Variants in SPOCK1 observed in about 807,000 individuals in gnomAD.
SPOCK1 encodes SPARC (osteonectin), cwcv and kazal like domains proteoglycan 1, also known as testican-1.
A neutral mutation model predicts 55.3 loss-of-function variants in SPOCK1; 23 were observed. The ratio of observed to expected loss-of-function variants is 0.42; its 90% CI spans 0.30 to 0.59. The LOEUF (loss-of-function observed/expected upper bound fraction) is 0.59. Among genes scored for constraint, SPOCK1 ranks in the 20% least tolerant of loss-of-function variants. SPOCK1 has a pLI of 0.22. For synonymous variants in SPOCK1, 226 were observed against 221.0 expected, an observed-to-expected ratio of 1.02 and a Z score of -0.20; for missense variants, 499 against 552.5, an observed-to-expected ratio of 0.90 and a Z score of 0.97.
At chr5:137,202,070 G>T (rs938987179) in intron 3 of SPOCK1, among the ~76,000 whole-genome samples, 3 of 152,154 alleles carry the variant, frequency 2.0e-5, no homozygotes, top group Non-Finnish European at 4.4e-5. Flanking sequence ...GGAACAATAC[G>T]TGGCCAACCA....
chr5:137,087,874 G>A (rs1561604636), intron 5 of SPOCK1, among the ~76,000 whole-genome samples: 1 of 52,992 alleles, frequency 1.9e-5, no homozygotes, highest in African/African-American at 4.7e-5. Flanking sequence ...AAACACAGGG[G>A]TGGGCTGTAT....
intron 2 of SPOCK1, among the ~76,000 whole-genome samples, chr5:137,318,224 C>T (rs903120703): frequency 1.3e-5 from 2 of 152,094 alleles, no homozygotes; most frequent in Non-Finnish European, 2.9e-5. Flanking sequence ...GCTGTCCCCC[C>T]GCTGCCTCCA....
At chr5:137,484,644 T>C (rs1754016328) in intron 2 of SPOCK1, among the ~76,000 whole-genome samples, 1 of 152,206 alleles carries the variant, frequency 6.6e-6, no homozygotes, top group Non-Finnish European at 1.5e-5. Context: ...ATCAATGCCC[T>C]TTAAAATACA....
At chr5:137,232,144 T>C (rs1031905813) in intron 3 of SPOCK1, among the ~76,000 whole-genome samples, 3 of 152,228 alleles carry the variant, frequency 2.0e-5, no homozygotes, top group Non-Finnish European at 4.4e-5. Context: ...CCAGTCTAGT[T>C]TGTCTTTTCA....
intron 2 of SPOCK1, among the ~76,000 whole-genome samples, chr5:137,285,024 G>A (rs967414475): frequency 6.6e-5 from 10 of 152,258 alleles, no homozygotes; most frequent in Non-Finnish European, 1.5e-4. Flanking sequence ...AGAACAACTC[G>A]CTAATGTGCA....
intron 2 of SPOCK1, among the ~76,000 whole-genome samples, chr5:137,280,619 T>C (rs765611880): frequency 2.6e-5 from 4 of 152,224 alleles, no homozygotes; most frequent in Non-Finnish European, 5.9e-5. Flanking sequence ...AACTTATGAA[T>C]ATTAAAGAAA....
intron 6 of SPOCK1, among the ~76,000 whole-genome samples, chr5:137,066,985 C>CAGAG (rs1219509991): frequency 3.3e-5 from 4 of 121,684 alleles, no homozygotes; most frequent in African/African-American, 1.1e-4. Context: ...CACACACACA[C>CAGAG]ACAGAGAGAG....
At chr5:137,110,248 G>A (rs1296034193) in intron 5 of SPOCK1, among the ~76,000 whole-genome samples, 2 of 152,124 alleles carry the variant, frequency 1.3e-5, no homozygotes, top group Non-Finnish European at 2.9e-5. Flanking sequence ...GTAGCAGAAG[G>A]GGCAGACTGG....
At chr5:137,206,614 G>C (rs978239926) in intron 3 of SPOCK1, among the ~76,000 whole-genome samples, 3 of 152,174 alleles carry the variant, frequency 2.0e-5, no homozygotes, top group Non-Finnish European at 2.9e-5. Context: ...CTGCTCCTTA[G>C]GGCTCCTGTG....
chr5:137,491,049 C>A (rs1754165143), intron 2 of SPOCK1, among the ~76,000 whole-genome samples: 1 of 152,102 alleles, frequency 6.6e-6, no homozygotes. Flanking sequence ...ATAGATATAC[C>A]AGCCACTCAA....
At chr5:136,982,231 T>C (rs1263393772) in intron 9 of SPOCK1, among the ~76,000 whole-genome samples, 3 of 152,354 alleles carry the variant, frequency 2.0e-5, no homozygotes, top group African/African-American at 4.8e-5. Flanking sequence ...AAAAGGGATA[T>C]TTCAGCGAGA....
chr5:137,273,762 T>C (rs1037636579), intron 2 of SPOCK1, among the ~76,000 whole-genome samples: 1 of 152,030 alleles, frequency 6.6e-6, no homozygotes, highest in Non-Finnish European at 1.5e-5. Flanking sequence ...GTCCAAAGGG[T>C]GAAATTCAGT....
intron 5 of SPOCK1, among the ~76,000 whole-genome samples, chr5:137,072,353 A>G (rs924501934): frequency 6.6e-6 from 1 of 152,244 alleles, no homozygotes; most frequent in Non-Finnish European, 1.5e-5. Context: ...CATACACAAC[A>G]TATTATTATA....
In SPOCK1 at chr5:137,042,431, G is replaced by A. The variant is rs115439832; in HGVS notation, c.589+25284C>T. 5.8e-3 allele frequency among the ~76,000 whole-genome samples: 888 copies of A among 152,300 alleles called. 7 individuals are homozygous for A. Among genetic ancestry groups the A allele is most frequent in the African/African-American group, 0.02 (828 of 41,574 alleles). ...GTGAGAACCTACAGAACTTTACAGC[G>A]TAGAGTGAACCTTAATGTATGCAAA... On this transcript the variant is annotated intron_variant, in intron 6 of 10. Transcript: ENST00000394945.
intron 4 of SPOCK1, among the ~76,000 whole-genome samples, chr5:137,134,125 G>T (rs1189698789): frequency 1.3e-5 from 2 of 152,148 alleles, no homozygotes; most frequent in African/African-American, 4.8e-5. Context: ...CCCCTTACTG[G>T]CAGTGTCCAA....
chr5:137,181,561 G>A (rs894136647), intron 3 of SPOCK1, among the ~76,000 whole-genome samples: 13 of 152,188 alleles, frequency 8.5e-5, no homozygotes, highest in African/African-American at 1.7e-4. Context: ...GGGGCCCCAC[G>A]GCCAGTTTCC....
intron 3 of SPOCK1, among the ~76,000 whole-genome samples, chr5:137,178,654 C>T (rs1001844735): frequency 2.6e-5 from 4 of 152,194 alleles, no homozygotes; most frequent in African/African-American, 9.7e-5. Context: ...CCAGCCCAAC[C>T]AACTCCCCTT....
At chr5:137,449,489 T>A (rs999955970) in intron 2 of SPOCK1, among the ~76,000 whole-genome samples, 1 of 152,178 alleles carries the variant, frequency 6.6e-6, no homozygotes, top group Non-Finnish European at 1.5e-5. Flanking sequence ...AGAGGCAGCA[T>A]CACAGAGATG....
chr5:137,206,548 C>T (rs947080576), intron 3 of SPOCK1, among the ~76,000 whole-genome samples: 3 of 152,238 alleles, frequency 2.0e-5, no homozygotes, highest in Non-Finnish European at 4.4e-5. Context: ...AGCAGAGGCA[C>T]AAGAAGCAAG....
Sources: gnomAD v4.1 joint callset for allele counts (sites outside exome capture counted in the v4.1 genomes callset) on GRCh38, gnomAD v4.1.1 for gene constraint, MANE v1.5 for transcripts, NCBI Gene and HGNC (gene_info 2026-07-23, HGNC 2026-07-21) for gene names.